CDH20: variants seen among roughly 807,000 people sequenced by gnomAD.
The protein encoded by CDH20 is cadherin-20.
A neutral mutation model predicts 74.2 loss-of-function variants in CDH20; 29 were observed. That is an observed-to-expected ratio of 0.39 (90% confidence interval 0.29 to 0.53). The LOEUF is 0.53. CDH20 is among the 20% of genes least tolerant of loss of function. CDH20 has a pLI of 0.69. For synonymous variants in CDH20, 469 were observed against 405.4 expected, an observed-to-expected ratio of 1.16 and a Z score of -1.88; for missense variants, 988 against 1,048.3, an observed-to-expected ratio of 0.94 and a Z score of 0.79.
intron 1 of CDH20, among the ~76,000 whole-genome samples, chr18:61,468,568 C>T (rs185267640): frequency 2.5e-4 from 38 of 152,270 alleles, no homozygotes; most frequent in African/African-American, 7.0e-4. Context: ...TCTCTAGTAT[C>T]CCTTTTTCCC....
chr18:61,426,449 C>T (rs976131050), intron 1 of CDH20, among the ~76,000 whole-genome samples: 5 of 152,082 alleles, frequency 3.3e-5, no homozygotes, highest in Admixed American at 1.3e-4. Flanking sequence ...TTAATCTTCT[C>T]GAAATATAGA....
intron 1 of CDH20, among the ~76,000 whole-genome samples, chr18:61,357,150 A>G (rs1424178233): frequency 6.6e-6 from 1 of 152,232 alleles, no homozygotes; most frequent in Non-Finnish European, 1.5e-5. Flanking sequence ...CCAAGCAGCC[A>G]GAATACTCTC....
rs1439082240 is a variant in CDH20, at chr18:61,516,269, A to T, written c.1017+8709A>T. On this transcript the variant is annotated intron_variant, in intron 6 of 11. Coordinates refer to ENST00000262717, the MANE Select transcript of CDH20 (RefSeq NM_031891.4). ...ATTGGGAAACTTTTTGCACTGTTCAATGTAACAATTTTTTTAGGTTTTTGC... is the reference window on the plus strand; with the variant it reads ...ATTGGGAAACTTTTTGCACTGTTCATTGTAACAATTTTTTTAGGTTTTTGC... Among the ~76,000 whole-genome samples the T allele has an allele frequency of 5.9e-5, 9 of 152,352 alleles. No individual in the cohort carries two copies. The East Asian group carries it at 1.7e-3, about 29-fold the overall frequency.
intron 1 of CDH20, among the ~76,000 whole-genome samples, chr18:61,393,636 G>A (rs1309608008): frequency 6.6e-6 from 1 of 152,186 alleles, no homozygotes; most frequent in Non-Finnish European, 1.5e-5. Context: ...GATAGTGGGT[G>A]GTTGAAGATT....
chr18:61,437,601 G>T (rs757257455), intron 1 of CDH20, among the ~76,000 whole-genome samples: 30 of 152,136 alleles, frequency 2.0e-4, no homozygotes, highest in Non-Finnish European at 3.5e-4. Flanking sequence ...ACTGGCAAAT[G>T]GTTCAAAGAG....
chr18:61,339,654 C>A (rs569782327), intron 1 of CDH20, among the ~76,000 whole-genome samples: 1 of 148,570 alleles, frequency 6.7e-6, no homozygotes, highest in African/African-American at 2.5e-5. Context: ...TGATTCCATG[C>A]AATGGATACA....
chr18:61,457,118 T>G (rs1488865524), intron 1 of CDH20, among the ~76,000 whole-genome samples: 5 of 152,076 alleles, frequency 3.3e-5, no homozygotes, highest in African/African-American at 7.2e-5. Flanking sequence ...ACCTCTGTTT[T>G]TTCTTCCATT....
At position 61,490,766 on chromosome 18, in the gene CDH20, G is replaced by C. The variant is rs1910932075; in HGVS notation, c.213G>C (p.Glu71Asp). The C allele has an allele frequency of 6.2e-7, 1 of 1,614,068 alleles. No homozygotes were observed. Among genetic ancestry groups the C allele is most frequent in the Non-Finnish European group, 8.5e-7 (1 of 1,180,046 alleles). Residue 71 changes from glutamate to aspartate, a missense_variant, in exon 2 of 12, where the codon GAG becomes GAC. By Grantham distance (45) the Glu-to-Asp change is conservative (BLOSUM62 2). Around this residue, in one of 2 missense-constraint regions of CDH20, gnomAD observed 613 missense variants for 755.2 expected, o/e 0.81. Coordinates refer to ENST00000262717, the MANE Select transcript of CDH20 (RefSeq NM_031891.4). ...GGAACCAGTTTTTCGTTCTGGAAGA[G>C]TACACTGGGACCGACCCTTTGTATG... is the stretch of plus-strand genomic sequence containing the variant. Reference protein sequence around the residue: ...WVWNQFFVLEEYTGTDPLYVG... With the variant: ...WVWNQFFVLEDYTGTDPLYVG...
At chr18:61,535,383 G>T (rs1321589618) in intron 7 of CDH20, among the ~76,000 whole-genome samples, 2 of 152,054 alleles carry the variant, frequency 1.3e-5, no homozygotes, top group African/African-American at 2.4e-5. Context: ...GACTACATAA[G>T]GTTCTCATTG....
chr18:61,512,951 G>A (rs1911840237), intron 6 of CDH20, among the ~76,000 whole-genome samples: 1 of 152,040 alleles, frequency 6.6e-6, no homozygotes, highest in East Asian at 1.9e-4. Context: ...AATAGGTGTG[G>A]TGTGGTGCTG....
chr18:61,475,666 A>G (rs1402990621), intron 1 of CDH20, among the ~76,000 whole-genome samples: 1 of 152,214 alleles, frequency 6.6e-6, no homozygotes, highest in Non-Finnish European at 1.5e-5. Context: ...TCATTGATAT[A>G]GAACCTACTG....
At chr18:61,404,336 C>T (rs569590396) in intron 1 of CDH20, among the ~76,000 whole-genome samples, 31 of 152,080 alleles carry the variant, frequency 2.0e-4, no homozygotes, top group African/African-American at 7.0e-4. Flanking sequence ...AACAGATAGG[C>T]GTATTTTGTC....
chr18:61,438,283 T>C (rs1016522899), intron 1 of CDH20, among the ~76,000 whole-genome samples: 1 of 152,164 alleles, frequency 6.6e-6, no homozygotes, highest in Non-Finnish European at 1.5e-5. Context: ...TTCTCTGGCA[T>C]CATGTGTGCT....
intron 1 of CDH20, among the ~76,000 whole-genome samples, chr18:61,407,749 T>A (rs1434191685): frequency 6.6e-6 from 1 of 152,192 alleles, no homozygotes; most frequent in Non-Finnish European, 1.5e-5. Context: ...TTGGGGAACA[T>A]TCTATCAATG....
At chr18:61,425,500 C>T (rs1306099067) in intron 1 of CDH20, among the ~76,000 whole-genome samples, 10 of 152,144 alleles carry the variant, frequency 6.6e-5, no homozygotes, top group Non-Finnish European at 1.5e-5. Flanking sequence ...AAAGGCCTGC[C>T]CAGAGCACGT....
At chr18:61,380,128 G>T (rs921220116) in intron 1 of CDH20, among the ~76,000 whole-genome samples, 4 of 152,192 alleles carry the variant, frequency 2.6e-5, no homozygotes, top group Non-Finnish European at 5.9e-5. Context: ...GTGGCTGCAG[G>T]CAGATAAAAC....
intron 1 of CDH20, among the ~76,000 whole-genome samples, chr18:61,371,459 G>T (rs1055510794): frequency 6.6e-6 from 1 of 151,736 alleles, no homozygotes; most frequent in Non-Finnish European, 1.5e-5. Flanking sequence ...TAAAGAGGCC[G>T]GACTCCAGAA....
intron 1 of CDH20, among the ~76,000 whole-genome samples, chr18:61,424,251 A>G (rs905482474): frequency 8.5e-5 from 13 of 152,340 alleles, no homozygotes; most frequent in African/African-American, 2.6e-4. Context: ...TAGTTCGTCT[A>G]TTTTGAAATA....
chr18:61,401,603 G>A (rs1026709587), intron 1 of CDH20, among the ~76,000 whole-genome samples: 2 of 152,174 alleles, frequency 1.3e-5, no homozygotes, highest in Non-Finnish European at 2.9e-5. Flanking sequence ...CAGGTAGCTG[G>A]TAAGTCTATA....
Sources: allele counts gnomAD v4.1 joint callset (sites outside exome capture counted in the v4.1 genomes callset), GRCh38; gene constraint gnomAD v4.1.1; regional missense constraint gnomAD v4.1.1; transcripts MANE v1.5; gene names NCBI Gene and HGNC (gene_info 2026-07-23, HGNC 2026-07-21).